The following PKHD1 variants were observed in gnomAD, a reference collection of about 807,000 sequenced individuals.
PKHD1 encodes PKHD1 ciliary IPT domain containing fibrocystin/polyductin.
Under a neutral mutation model 412.0 loss-of-function variants are expected in PKHD1, and 291 were observed. That is an observed-to-expected ratio of 0.71 (90% CI 0.64 to 0.78). PKHD1 has a LOEUF of 0.78. Ranked by LOEUF, PKHD1 falls within the 30% of genes least tolerant of loss-of-function variation. The pLI is 0.00. For synonymous variants in PKHD1, 1,777 were observed against 1,821.5 expected, an observed-to-expected ratio of 0.98 and a Z score of 0.62; for missense variants, 4,825 against 4,950.7, an observed-to-expected ratio of 0.97 and a Z score of 0.76.
rs538432713 is a variant in PKHD1, at chr6:51,836,906, T to A, written c.8108-437A>T. 5.2e-4 allele frequency among the ~76,000 whole-genome samples: 79 copies of A among 152,326 alleles called. No individual in the cohort carries two copies. In the South Asian group the frequency reaches 0.016, roughly 32 times the overall value. On this transcript the variant is annotated intron_variant, in intron 50 of 66. Transcript: ENST00000371117. ...TGGTTACCTTTATCCAAACAAATTG[T>A]CCTTTTAATGAAGCCTTTTCCCCAC...
chr6:51,831,618 T>C (rs948434665), intron 51 of PKHD1, among the ~76,000 whole-genome samples: 3 of 152,162 alleles, frequency 2.0e-5, no homozygotes, highest in Non-Finnish European at 4.4e-5. Flanking sequence ...CCTGATTATC[T>C]TCTTCAAATA....
At chr6:51,939,416 A>AC (rs1788111077) in intron 36 of PKHD1, among the ~76,000 whole-genome samples, 1 of 150,188 alleles carries the variant, frequency 6.7e-6, no homozygotes, top group African/African-American at 2.4e-5. Flanking sequence ...GCAGCCTTCC[A>AC]CCCTCCATTC....
At chr6:51,801,048 G>T (rs1050354078) in intron 52 of PKHD1, among the ~76,000 whole-genome samples, 1 of 152,102 alleles carries the variant, frequency 6.6e-6, no homozygotes, top group East Asian at 1.9e-4. Context: ...ACTATTAAAT[G>T]ATCTAATCTT....
chr6:51,834,273 G>C (rs1480672179), intron 51 of PKHD1, among the ~76,000 whole-genome samples: 1 of 152,112 alleles, frequency 6.6e-6, no homozygotes, highest in African/African-American at 2.4e-5. Flanking sequence ...ATGCAGGAAG[G>C]GATGAGTTAA....
chr6:52,008,711 C>T (rs1359147298), intron 35 of PKHD1, among the ~76,000 whole-genome samples: 2 of 152,076 alleles, frequency 1.3e-5, no homozygotes, highest in African/African-American at 4.8e-5. Context: ...GTGTGAGATG[C>T]AGCTCTCAGT....
Position 51,659,425 on chromosome 6 carries a change from C to G in PKHD1, c.10701G>C (p.Val3567=). Residue 3567 remains valine (V), a synonymous_variant, in exon 61 of 67, where the codon GTG becomes GTC. Coordinates refer to ENST00000371117, the MANE Select transcript of PKHD1 (RefSeq NM_138694.4). Reference sequence around the variant, plus strand: ...AGCCTTTTTCTAAGACTGAAACCATCACAGTGAGGGCCAAGTGAATGGAAA... The same window carrying G: ...AGCCTTTTTCTAAGACTGAAACCATGACAGTGAGGGCCAAGTGAATGGAAA... ...SGVSIHLALT[V]MVSVLEKGWE... is the part of the protein sequence containing the mutation. 6.2e-7 allele frequency: 1 copy of G among 1,613,638 alleles called. No individual in the cohort carries two copies. Among genetic ancestry groups the G allele is most frequent in the Non-Finnish European group, 8.5e-7 (1 of 1,179,826 alleles).
At chr6:51,623,153 T>C (rs1766837720) in intron 66 of PKHD1, among the ~76,000 whole-genome samples, 1 of 152,208 alleles carries the variant, frequency 6.6e-6, no homozygotes, top group African/African-American at 2.4e-5. Context: ...ATCCATCTTA[T>C]GCTATTCAAC....
chr6:51,982,190 G>T (rs1583697312), intron 35 of PKHD1, among the ~76,000 whole-genome samples: 1 of 45,916 alleles, frequency 2.2e-5, no homozygotes, highest in Non-Finnish European at 4.9e-5. Flanking sequence ...GGAGGTGGGG[G>T]GGTCAGCCCC....
chr6:52,062,711 T>A, intron 13 of PKHD1, 51 bp from the exon 14 acceptor site: 6 of 1,609,784 alleles, frequency 3.7e-6, no homozygotes, highest in Non-Finnish European at 5.1e-6. Flanking sequence ...CTTCCCAAAT[T>A]GGGGAATTAC....
At chr6:52,056,641 TAGAA>T (rs1807791138) in intron 18 of PKHD1, 53 bp downstream of exon 18, 32 of 1,246,160 alleles carry the variant, frequency 2.6e-5, no homozygotes, top group Non-Finnish European at 3.6e-5. Flanking sequence ...TCTCATTTTA[TAGAA>T]AGAAAGAAGA....
chr6:51,649,066 G>A lies in PKHD1; in HGVS notation c.11310+19C>T, dbSNP rs767496904. On this transcript the variant is annotated intron_variant, in intron 62 of 66. Coordinates refer to ENST00000371117, the MANE Select transcript of PKHD1 (RefSeq NM_138694.4). ...GCTACTTAGCTCTAAAGACAGATTT[G>A]TTACCTGTGAAAAGTTACCTGCTCA... The A allele has an allele frequency of 2.5e-5, 40 of 1,610,440 alleles. No homozygotes were observed. In the Admixed American group the frequency reaches 2.8e-4, roughly 11 times the overall value.
chr6:51,936,572 T>C (rs550050772), intron 36 of PKHD1, among the ~76,000 whole-genome samples: 1 of 152,314 alleles, frequency 6.6e-6, no homozygotes, highest in African/African-American at 2.4e-5. Flanking sequence ...ATGACTTTAG[T>C]CATTATCATG....
rs1349039285 is a variant in PKHD1 at position 52,025,309 on chromosome 6, T to C, written c.4501A>G (p.Thr1501Ala). The C allele has an allele frequency of 3.1e-6, 5 of 1,614,068 alleles. No homozygotes were observed. The highest frequency in any genetic ancestry group is 1.1e-5 in the South Asian group (1 of 91,076). Residue 1501 changes from threonine (T) to alanine (A), a missense_variant, in exon 32 of 67, where the codon ACT becomes GCT. Thr to Ala is a moderately conservative substitution (Grantham distance 58). Coordinates refer to ENST00000371117, the MANE Select transcript of PKHD1 (RefSeq NM_138694.4). The stretch of plus-strand genomic sequence containing the variant: ...AACCTCTGACCCCTAATCAGCACAG[T>C]GGTCAGAGACCCACTGGTGTTTGTG... ...LSTNTSGSLTTVLIRGQRLAT... is the reference protein window; with the variant it reads ...LSTNTSGSLTAVLIRGQRLAT...
chr6:52,081,366 C>T (rs889842264), intron 4 of PKHD1, among the ~76,000 whole-genome samples: 3 of 152,120 alleles, frequency 2.0e-5, no homozygotes, highest in African/African-American at 7.2e-5. Flanking sequence ...TATTGAACAT[C>T]CTCTACTCGT....
intron 60 of PKHD1, among the ~76,000 whole-genome samples, chr6:51,676,384 A>G (rs1775860370): frequency 6.6e-6 from 1 of 152,230 alleles, no homozygotes; most frequent in Non-Finnish European, 1.5e-5. Flanking sequence ...AGAAAAATTT[A>G]TATGTTTAAA....
chr6:51,771,636 T>C (rs545130794), intron 55 of PKHD1, among the ~76,000 whole-genome samples: 77 of 152,164 alleles, frequency 5.1e-4, no homozygotes, highest in Non-Finnish European at 9.9e-4. Flanking sequence ...AAAAGGAATT[T>C]GTTTTGTTTT....
intron 35 of PKHD1, among the ~76,000 whole-genome samples, chr6:51,980,136 T>C (rs1286579360): frequency 6.6e-6 from 1 of 152,186 alleles, no homozygotes; most frequent in Non-Finnish European, 1.5e-5. Flanking sequence ...TAGACCCATT[T>C]ATTACCCGTA....
At chr6:51,639,110 C>G (rs745743253) in intron 63 of PKHD1, among the ~76,000 whole-genome samples, 154 bp from the exon 64 acceptor site, 20 of 152,182 alleles carry the variant, frequency 1.3e-4, no homozygotes, top group Non-Finnish European at 2.6e-4. Flanking sequence ...TTAGTCAAGA[C>G]TTAGAACCAA....
intron 51 of PKHD1, among the ~76,000 whole-genome samples, chr6:51,831,269 T>C (rs1768199178): frequency 1.3e-5 from 2 of 152,270 alleles, no homozygotes; most frequent in African/African-American, 2.4e-5. Flanking sequence ...AAAATGCAAA[T>C]AAGAAAGGTA....
Sources: gnomAD v4.1 joint callset for allele counts (sites outside exome capture counted in the v4.1 genomes callset) on GRCh38, gnomAD v4.1.1 for gene constraint, MANE v1.5 for transcripts, NCBI Gene and HGNC (gene_info 2026-07-23, HGNC 2026-07-21) for gene names.